Variants in STXBP6 observed in about 807,000 individuals in gnomAD.
STXBP6 encodes the protein syntaxin-binding protein 6.
Under a neutral mutation model 26.9 loss-of-function variants are expected in STXBP6, and 21 were observed. That is an observed-to-expected ratio of 0.78 (90% CI 0.55 to 1.12). The LOEUF is 1.12. Among genes scored for constraint, STXBP6 ranks in the 50% most tolerant of loss-of-function variants. The pLI is 0.00. For synonymous variants in STXBP6, 97 were observed against 92.6 expected, an observed-to-expected ratio of 1.05 and a Z score of -0.27; for missense variants, 232 against 257.9, an observed-to-expected ratio of 0.90 and a Z score of 0.69.
At chr14:24,883,316 A>C (rs1221625125) in intron 2 of STXBP6, among the ~76,000 whole-genome samples, 2 of 152,192 alleles carry the variant, frequency 1.3e-5, no homozygotes, top group Admixed American at 6.5e-5. Flanking sequence ...AAAGTGGTAA[A>C]GGAACATTTG....
intron 2 of STXBP6, among the ~76,000 whole-genome samples, chr14:24,937,158 G>C (rs2072630890): frequency 6.6e-6 from 1 of 152,194 alleles, no homozygotes; most frequent in South Asian, 2.1e-4. Flanking sequence ...GGTGGAGGGA[G>C]GCATAGCACT....
intron 1 of STXBP6, among the ~76,000 whole-genome samples, chr14:25,020,590 TTCAAC>T (rs1266876883): frequency 1.4e-4 from 21 of 152,174 alleles, no homozygotes; most frequent in African/African-American, 4.8e-4. Flanking sequence ...TGTCCTCACA[TTCAAC>T]GACATTCTCT....
intron 2 of STXBP6, among the ~76,000 whole-genome samples, chr14:24,933,124 T>A (rs1312095088): frequency 1.3e-5 from 2 of 152,296 alleles, no homozygotes; most frequent in South Asian, 2.1e-4. Flanking sequence ...ATGGATTGCT[T>A]GATCTCAGGA....
chr14:24,909,056 A>G (rs1330602593), intron 2 of STXBP6, among the ~76,000 whole-genome samples: 1 of 152,250 alleles, frequency 6.6e-6, no homozygotes, highest in East Asian at 1.9e-4. Context: ...TTTCTGTGTT[A>G]TCTTTAGGGA....
rs143609485 is a variant in STXBP6 at position 24,879,356 on chromosome 14, T to C, written c.155-22199A>G. Among the ~76,000 whole-genome samples, 1,132 of 152,336 alleles carry C rather than the reference T, an allele frequency of 7.4e-3. 7 individuals are homozygous for C. Among genetic ancestry groups the C allele is most frequent in the Admixed American group, 0.012 (187 of 15,300 alleles). ...ACAAAAGGAAAAGAACAAAGTTACATGTAAAGAGTTTTGTACCCCAAAGCT... is the reference window on the plus strand; with the variant it reads ...ACAAAAGGAAAAGAACAAAGTTACACGTAAAGAGTTTTGTACCCCAAAGCT... On this transcript the variant is annotated intron_variant, in intron 2 of 5. Coordinates refer to ENST00000323944, the MANE Select transcript of STXBP6 (RefSeq NM_001394410.1).
At chr14:24,890,751 A>G (rs2070759011) in intron 2 of STXBP6, among the ~76,000 whole-genome samples, 1 of 152,208 alleles carries the variant, frequency 6.6e-6, no homozygotes, top group Non-Finnish European at 1.5e-5. Context: ...TTTGAAATAA[A>G]TTGAAACAGT....
intron 1 of STXBP6, among the ~76,000 whole-genome samples, chr14:25,041,363 T>C (rs887621519): frequency 1.1e-4 from 17 of 152,128 alleles, no homozygotes; most frequent in African/African-American, 3.9e-4. Flanking sequence ...AAAATGTATA[T>C]TGTTATAGTG....
chr14:24,902,162 G>A (rs1198495339), intron 2 of STXBP6, among the ~76,000 whole-genome samples: 1 of 152,156 alleles, frequency 6.6e-6, no homozygotes, highest in Non-Finnish European at 1.5e-5. Context: ...ATGAAAGGAT[G>A]AGTGCAATGA....
intron 2 of STXBP6, among the ~76,000 whole-genome samples, chr14:24,960,783 C>T (rs141145517): frequency 1.3e-5 from 2 of 152,314 alleles, no homozygotes; most frequent in East Asian, 3.9e-4. Flanking sequence ...CAGGCTCTTG[C>T]CAAGAGTGGT....
chr14:25,022,316 C>G (rs2075275756), intron 1 of STXBP6, among the ~76,000 whole-genome samples: 1 of 152,152 alleles, frequency 6.6e-6, no homozygotes, highest in Non-Finnish European at 1.5e-5. Context: ...CAGGCCACAT[C>G]CTGCCAAGTT....
intron 2 of STXBP6, among the ~76,000 whole-genome samples, chr14:24,971,646 G>A (rs1344908516): frequency 6.6e-6 from 1 of 152,134 alleles, no homozygotes; most frequent in Non-Finnish European, 1.5e-5. Context: ...TAATGAACCT[G>A]CCATTCCCTC....
rs550289141 is a variant in STXBP6, at chr14:24,809,608, A to G, written c.*3101T>C. On this transcript the variant is annotated 3_prime_UTR_variant, in exon 6 of 6. Transcript: ENST00000323944. ...ATAAAAAATGTGGTGACATGTACTT[A>G]TTTGGTAGTGTTTTATAGAGTTCAT... is the stretch of plus-strand genomic sequence containing the variant. The G allele has an allele frequency of 6.6e-6, 1 of 152,340 alleles. No individual in the cohort carries two copies. The highest frequency in any genetic ancestry group is 2.1e-4 in the South Asian group (1 of 4,824). The allele number at this position is 152,340 out of a possible 1,614,324, so 9.4% of individuals were successfully genotyped here.
chr14:24,909,372 C>A (rs147066859), intron 2 of STXBP6, among the ~76,000 whole-genome samples: 1 of 152,206 alleles, frequency 6.6e-6, no homozygotes, highest in African/African-American at 2.4e-5. Flanking sequence ...AGATATTTTC[C>A]CCTTATTTTA....
chr14:24,972,239 G>A lies in STXBP6; in HGVS notation c.154+2426C>T, dbSNP rs183243428. On this transcript the variant is annotated intron_variant, in intron 2 of 5. Transcript: ENST00000323944. ...ATTAGAATGCAACAAAAAAGCAATT[G>A]TCATAGTTTTGGACTTTAAACCTGA... Among the ~76,000 whole-genome samples, 667 of 152,216 alleles carry A rather than the reference G, an allele frequency of 4.4e-3. 8 individuals are homozygous for A. The highest frequency in any genetic ancestry group is 8.1e-3 in the Non-Finnish European group (550 of 68,020).
chr14:24,950,813 C>T (rs1050172431), intron 2 of STXBP6, among the ~76,000 whole-genome samples: 6 of 152,066 alleles, frequency 3.9e-5, no homozygotes, highest in East Asian at 1.9e-4. Context: ...TATGTAGGTA[C>T]ACGCATGCCA....
intron 1 of STXBP6, among the ~76,000 whole-genome samples, chr14:25,022,099 G>T (rs2075272699): frequency 1.3e-5 from 2 of 152,088 alleles, no homozygotes; most frequent in African/African-American, 2.4e-5. Context: ...AATTCTTTCT[G>T]GTACAAGTAA....
intron 2 of STXBP6, among the ~76,000 whole-genome samples, chr14:24,911,030 A>AATTAAGAAAAC (rs1411048248): frequency 3.9e-5 from 6 of 152,180 alleles, no homozygotes; most frequent in Non-Finnish European, 5.9e-5. Context: ...ACTATTTCAT[A>AATTAAGAAAAC]ATTAAGAAAA....
chr14:24,931,497 T>A (rs548708071), intron 2 of STXBP6, among the ~76,000 whole-genome samples: 14 of 152,320 alleles, frequency 9.2e-5, no homozygotes, highest in Non-Finnish European at 2.1e-4. Context: ...CTTTCCTTGG[T>A]AGAGTTAGGT....
At chr14:24,949,775 C>A (rs2140047535) in intron 2 of STXBP6, among the ~76,000 whole-genome samples, 1 of 152,226 alleles carries the variant, frequency 6.6e-6, no homozygotes, top group East Asian at 1.9e-4. Flanking sequence ...GATATGTAAA[C>A]AGGCTGTAAA....
Sources: gnomAD v4.1 joint callset for allele counts (sites outside exome capture counted in the v4.1 genomes callset) on GRCh38, gnomAD v4.1.1 for gene constraint, MANE v1.5 for transcripts, NCBI Gene and HGNC (gene_info 2026-07-23, HGNC 2026-07-21) for gene names.